Variants in PKD1 observed in about 807,000 individuals in gnomAD.
PKD1 encodes the protein polycystin-1.
PKD1 carries 81 observed loss-of-function variants against 361.7 expected under a neutral mutation model. That is an observed-to-expected ratio of 0.22 (90% CI 0.19 to 0.27). PKD1 has a LOEUF of 0.27. PKD1 is among the 10% of genes least tolerant of loss of function. The pLI is 1.00. For synonymous variants in PKD1, 3,615 were observed against 2,818.3 expected, an observed-to-expected ratio of 1.28 and a Z score of -8.95; for missense variants, 6,399 against 6,118.3, an observed-to-expected ratio of 1.05 and a Z score of -1.53.
At position 2,111,160 on chromosome 16, in the gene PKD1, T is replaced by C. The variant is rs1440855430; in HGVS notation, c.4007A>G (p.Asn1336Ser). ...FDWTFGDGSS[N>S]TTVRGCPTVT... is the part of the protein sequence containing the mutation. ...CGTCGGGCACCCCCGCACGGTCGTGTTGGAGGAGCCATCCCCGAAGGTCCA... is the reference window on the plus strand; with the variant it reads ...CGTCGGGCACCCCCGCACGGTCGTGCTGGAGGAGCCATCCCCGAAGGTCCA... Residue 1336 changes from asparagine (N) to serine (S), a missense_variant, in exon 15 of 46, where the codon AAC becomes AGC. Transcript: ENST00000262304. 3 of 1,611,128 alleles carry C rather than the reference T, an allele frequency of 1.9e-6. No homozygotes were observed. The highest frequency in any genetic ancestry group is 2.2e-5 in the East Asian group (1 of 44,886).
Position 2,091,416 on chromosome 16 carries a change from G to T in PKD1, c.11712+7C>A. The T allele has an allele frequency of 8.7e-7, 1 of 1,149,376 alleles. No individual in the cohort carries two copies. 71.2% of individuals were successfully genotyped at this position (1,149,376 alleles called of 1,614,324 possible). On this transcript the variant is annotated splice_region_variant and intron_variant, in intron 42 of 45. Coordinates refer to ENST00000262304, the MANE Select transcript of PKD1 (RefSeq NM_001009944.3). Reference sequence around the variant, plus strand: ...GAGGCGCGGGGTCTGGCCGGGGACGGGCGTACCGAGGTGAGCAGAGGCAGC... The same window carrying T: ...GAGGCGCGGGGTCTGGCCGGGGACGTGCGTACCGAGGTGAGCAGAGGCAGC...
intron 1 of PKD1, among the ~76,000 whole-genome samples, chr16:2,131,467 T>C (rs1167821648): frequency 6.6e-6 from 1 of 150,810 alleles, no homozygotes; most frequent in Non-Finnish European, 1.5e-5. Flanking sequence ...GAGATGGCAC[T>C]GCTGCACTCC....
At chr16:2,099,496 A>C in intron 30 of PKD1, 148 bp downstream of exon 30, 2 of 716,472 alleles carry the variant, frequency 2.8e-6, no homozygotes, top group Non-Finnish European at 2.5e-6. Context: ...AGTCTAGCTA[A>C]GGCTGCTCAA....
Position 2,108,362 on chromosome 16 carries a change from A to G in PKD1, c.6805T>C (p.Ser2269Pro), listed in dbSNP as rs375265656. Residue 2269 changes from serine to proline, a missense_variant, in exon 15 of 46, where the codon TCA becomes CCA. Physicochemically the swap from Ser to Pro is moderately conservative, Grantham distance 74 (BLOSUM62 -1). Coordinates refer to ENST00000262304, the MANE Select transcript of PKD1 (RefSeq NM_001009944.3). ...IIEGGSYRVWSDTRDLVLDGS... is the reference protein window; with the variant it reads ...IIEGGSYRVWPDTRDLVLDGS... ...TCCAGCACCAGGTCCCGTGTGTCTG[A>G]CCACACGCGGTATGAGCCACCCTCA... The G allele has an allele frequency of 2.5e-6, 4 of 1,609,918 alleles. No individual in the cohort carries two copies. Among genetic ancestry groups the G allele is most frequent in the African/African-American group, 2.7e-5 (2 of 74,850 alleles).
Position 2,106,543 on chromosome 16 carries a change from G to C in PKD1, c.7344C>G (p.Leu2448=), listed in dbSNP as rs2258975. 5.3e-5 allele frequency: 84 copies of C among 1,596,652 alleles called. 4 individuals carry two copies. The highest frequency in any genetic ancestry group is 3.5e-4 in the African/African-American group (26 of 74,924). ...LRDGEGYTFT[L]TVLGRSGEEE... ...CCTCGCCAGAGCGGCCCAGCACCGT[G>C]AGCGTGAAGGTGTATCCCTCGCCGT... The change falls in exon 18 of 46, where the codon CTC becomes CTG. Residue 2448 remains leucine (L), a synonymous_variant. Transcript: ENST00000262304. This position sits in a 1 kb window ranked among gnomAD's most constrained non-coding sequence, Gnocchi z 6.5.
intron 1 of PKD1, among the ~76,000 whole-genome samples, chr16:2,125,081 G>C (rs1008856443): frequency 6.6e-6 from 1 of 152,258 alleles, no homozygotes; most frequent in African/African-American, 2.4e-5. Flanking sequence ...TGGGCCAGCC[G>C]AGCCATGACC....
In PKD1 at chr16:2,105,396, C is replaced by T; in HGVS notation, c.7942G>A (p.Glu2648Lys). 1.9e-6 allele frequency: 3 copies of T among 1,586,014 alleles called. No individual in the cohort carries two copies. The highest frequency in any genetic ancestry group is 2.6e-6 in the Non-Finnish European group (3 of 1,172,288). ...HRAQIRKNIT[E>K]TLVSLRVHTV... is the part of the protein sequence containing the mutation. ...TGGACCCTCAGGGACACCAGAGTCTCCGTGATGTTCTTGCGTATCTGGGCT... is the reference window on the plus strand; with the variant it reads ...TGGACCCTCAGGGACACCAGAGTCTTCGTGATGTTCTTGCGTATCTGGGCT... Residue 2648 changes from glutamate to lysine, a missense_variant, in exon 21 of 46, where the codon GAG (glutamate) becomes AAG (lysine). Transcript: ENST00000262304.
At position 2,089,928 on chromosome 16, in the gene PKD1, G is replaced by A. The variant is rs906771712; in HGVS notation, c.12711C>T (p.Tyr4237=). 1.2e-6 allele frequency: 2 copies of A among 1,612,248 alleles called. No homozygotes were observed. The highest frequency in any genetic ancestry group is 1.3e-5 in the African/African-American group (1 of 75,062). Residue 4237 remains tyrosine (Y), a synonymous_variant, in exon 46 of 46, where the codon TAC becomes TAT. Coordinates refer to ENST00000262304, the MANE Select transcript of PKD1 (RefSeq NM_001009944.3). ...GGCTGTGCAGCTGCTGCTCCAGCTG[G>A]TAGACGTCCTCTGTGGCCTGGTTGA... ...DRLNQATEDV[Y]QLEQQLHSLQ... is the part of the protein sequence containing the mutation.
At chr16:2,102,757 G>A in intron 24 of PKD1, 57 bp downstream of exon 24, 2 of 1,607,130 alleles carry the variant, frequency 1.2e-6, no homozygotes, top group Non-Finnish European at 1.7e-6. Context: ...AGTAACCCAG[G>A]CAATGCTGAC....
rs1437942081 is a variant in PKD1, at chr16:2,106,095, T to C, written c.7699A>G (p.Asn2567Asp). 1 of 1,605,948 alleles carries C rather than the reference T, an allele frequency of 6.2e-7. No individual in the cohort carries two copies. Among genetic ancestry groups the C allele is most frequent in the Non-Finnish European group, 8.5e-7 (1 of 1,176,674 alleles). Residue 2567 changes from asparagine (N) to aspartate (D), a missense_variant, in exon 19 of 46, where the codon AAC (asparagine) becomes GAC (aspartate). Physicochemically the swap from Asn to Asp is conservative, Grantham distance 23. Transcript: ENST00000262304. The surrounding 1 kb of genome is among the most constrained non-coding windows in gnomAD (Gnocchi z 6.5). Reference sequence around the variant, plus strand: ...CCCTCCCACGGCCTGGCTCACCTGTTGAGGGCGACCACAGCGGCTCCCAGC... The same window carrying C: ...CCCTCCCACGGCCTGGCTCACCTGTCGAGGGCGACCACAGCGGCTCCCAGC... ...DQLGAAVVAL[N>D]RSLAITLPEP...
intron 34 of PKD1, chr16:2,095,124 AC>A (rs1336961651): frequency 1.3e-5 from 2 of 152,152 alleles, no homozygotes; most frequent in African/African-American, 4.8e-5. Context: ...CCTAGCCTCA[AC>A]TTGGTCAGGC....
Position 2,102,623 on chromosome 16 carries a change from G to C in PKD1, c.8959C>G (p.Pro2987Ala), listed in dbSNP as rs567267459. 1.2e-6 allele frequency: 2 copies of C among 1,611,008 alleles called. No homozygotes were observed. Among genetic ancestry groups the C allele is most frequent in the Non-Finnish European group, 1.7e-6 (2 of 1,179,798 alleles). The change falls in exon 25 of 46, where the codon CCA becomes GCA. Residue 2987 changes from proline to alanine, a missense_variant. Pro to Ala is a conservative substitution (Grantham distance 27). Coordinates refer to ENST00000262304, the MANE Select transcript of PKD1 (RefSeq NM_001009944.3). ...AGGTTCAGATGGTAACTCCCCGCTG[G>C]GTCTCTGCTCCTGGGCAGGGAAGGG... ...TFFISPGSRDPAGSYHLNLSS... is the reference protein window; with the variant it reads ...TFFISPGSRDAAGSYHLNLSS...
rs760496344 is a variant in PKD1, at chr16:2,115,390, G to A, written c.2085C>T (p.Pro695=). The A allele has an allele frequency of 4.1e-5, 63 of 1,552,118 alleles. No individual in the cohort carries two copies. Among genetic ancestry groups the A allele is most frequent in the Non-Finnish European group, 4.2e-5 (48 of 1,144,062 alleles). ...EFLFSVPAGP[P]AQYSVTLHGQ... ...CAGGGCCACACACCGAGTACTGCGC[G>A]GGGGGCCCCGCGGGAACGGAGAAGA... The change falls in exon 10 of 46, where the codon CCC becomes CCT. Residue 695 remains proline (P), a synonymous_variant. Coordinates refer to ENST00000262304, the MANE Select transcript of PKD1 (RefSeq NM_001009944.3).
chr16:2,105,877 G>A lies in PKD1; in HGVS notation c.7851C>T (p.Thr2617=), dbSNP rs754620450. 2.4e-5 allele frequency: 39 copies of A among 1,596,042 alleles called. No homozygotes were observed. The highest frequency in any genetic ancestry group is 1.2e-4 in the Admixed American group (7 of 59,984). Residue 2617 remains threonine (T), a synonymous_variant, in exon 20 of 46, where the codon ACC becomes ACT. Coordinates refer to ENST00000262304, the MANE Select transcript of PKD1 (RefSeq NM_001009944.3). ...HVIEYSLALV[T]VLNEYERALD... is the part of the protein sequence containing the mutation. The stretch of plus-strand genomic sequence containing the variant: ...AGGCTGCACTCACCTCGTTCAGCAC[G>A]GTGACCAGGGCCAACGAGTACTCGA...
chr16:2,133,848 A>C (rs1377552551), intron 1 of PKD1, among the ~76,000 whole-genome samples: 1 of 151,782 alleles, frequency 6.6e-6, no homozygotes, highest in African/African-American at 2.4e-5. Flanking sequence ...AAACCCCAGG[A>C]CCAGAGCCTA....
chr16:2,103,670 T>C lies in PKD1; in HGVS notation c.8387A>G (p.Tyr2796Cys), dbSNP rs765384310. 6 of 1,610,106 alleles carry C rather than the reference T, an allele frequency of 3.7e-6. No individual in the cohort carries two copies. Among genetic ancestry groups the C allele is most frequent in the African/African-American group, 2.7e-5 (2 of 74,828 alleles). ...GCAGCCAGGCCCTGGGGCGCCGCCATAGCACAGCAGGCTCCGCGGGTCCGA... is the reference window on the plus strand; with the variant it reads ...GCAGCCAGGCCCTGGGGCGCCGCCACAGCACAGCAGGCTCCGCGGGTCCGA... ...KRSDPRSLLC[Y>C]GGAPGPGCHF... Residue 2796 changes from tyrosine to cysteine, a missense_variant, in exon 23 of 46, where the codon TAT becomes TGT. Tyr to Cys is a radical substitution (Grantham distance 194). Transcript: ENST00000262304.
chr16:2,100,144 G>A lies in PKD1; in HGVS notation c.9712+22C>T, dbSNP rs773134488. 2.5e-6 allele frequency: 4 copies of A among 1,605,914 alleles called. No individual in the cohort carries two copies. Among genetic ancestry groups the A allele is most frequent in the African/African-American group, 1.3e-5 (1 of 74,802 alleles). ...ACCCTGCCCAACCTCCCACGGAGTG[G>A]GAACATGGAACGAGGCCTTACTCGC... On this transcript the variant is annotated intron_variant, in intron 28 of 45. Transcript: ENST00000262304. This position sits in a 1 kb window ranked among gnomAD's most constrained non-coding sequence, Gnocchi z 4.4.
In PKD1 at chr16:2,110,281, A is replaced by G. The variant is rs1370125092; in HGVS notation, c.4886T>C (p.Leu1629Pro). The G allele has an allele frequency of 6.2e-7, 1 of 1,612,636 alleles. No individual in the cohort carries two copies. Among genetic ancestry groups the G allele is most frequent in the Non-Finnish European group, 8.5e-7 (1 of 1,179,836 alleles). Reference sequence around the variant, plus strand: ...CACCTGCAGCCCCTCTATGAGCTGCAGGACATAGACGAAGATGCTGTCCTG... The same window carrying G: ...CACCTGCAGCCCCTCTATGAGCTGCGGGACATAGACGAAGATGCTGTCCTG... ...SAQDSIFVYVLQLIEGLQVVG... is the reference protein window; with the variant it reads ...SAQDSIFVYVPQLIEGLQVVG... The change falls in exon 15 of 46, where the codon CTG (leucine) becomes CCG (proline). Residue 1629 changes from leucine (L) to proline (P), a missense_variant. Transcript: ENST00000262304.
In PKD1 at chr16:2,116,014, C is replaced by A. The variant is rs905577227; in HGVS notation, c.1827G>T (p.Val609=). The A allele has an allele frequency of 3.3e-6, 5 of 1,497,152 alleles. No individual in the cohort carries two copies. The African/African-American group carries it at 5.6e-5, about 17-fold the overall frequency. The allele number at this position is 1,497,152 out of a possible 1,614,324, so 92.7% of individuals were successfully genotyped here. A position where few individuals can be genotyped will look rare whatever the true frequency, so the allele number is the denominator to read the frequency against. The change falls in exon 9 of 46, where the codon GTG becomes GTT. Residue 609 remains valine, a synonymous_variant. Transcript: ENST00000262304. The part of the protein sequence containing the change: ...LRRPAQLRLQ[V]YRLLSTAGTP... ...CACCTGCTGTGCTGAGGAGCCGGTA[C>A]ACCTGCAGCCGCAGCTGGGCGGGCC...
Sources: gnomAD v4.1 joint callset for allele counts (sites outside exome capture counted in the v4.1 genomes callset) on GRCh38, gnomAD v4.1.1 for gene constraint, Gnocchi (gnomAD v3.1) non-coding constraint, MANE v1.5 for transcripts, NCBI Gene and HGNC (gene_info 2026-07-23, HGNC 2026-07-21) for gene names.